CNTLN: variants seen among roughly 807,000 people sequenced by gnomAD.
CNTLN encodes the protein centlein, centrosomal protein.
A neutral mutation model predicts 180.0 loss-of-function variants in CNTLN; 212 were observed. The observed-to-expected ratio is 1.18, with a 90% CI of 1.05 to 1.32. CNTLN has a LOEUF of 1.32. Among genes scored for constraint, CNTLN ranks in the 40% most tolerant of loss-of-function variants. The pLI, the probability that CNTLN is intolerant of heterozygous loss-of-function variation, is 0.00. For missense variants in CNTLN, 2,095 were observed against 1,610.9 expected (o/e 1.30, Z -5.14); for synonymous variants, 722 against 563.1 (o/e 1.28, Z -3.99).
intron 18 of CNTLN, among the ~76,000 whole-genome samples, chr9:17,452,444 C>T (rs1407377178): frequency 6.6e-6 from 1 of 152,184 alleles, no homozygotes; most frequent in Non-Finnish European, 1.5e-5. Context: ...TCACATTTTA[C>T]AGAACAAATC....
intron 8 of CNTLN, among the ~76,000 whole-genome samples, chr9:17,312,362 TATTA>T (rs1473346562): frequency 2.2e-3 from 37 of 16,546 alleles, no homozygotes; most frequent in African/African-American, 4.5e-3. Context: ...TATATATATA[TATTA>T]TATATATATA....
chr9:17,415,708 TA>T, intron 16 of CNTLN, 79 bp from the exon 17 acceptor site: 1 of 921,546 alleles, frequency 1.1e-6, no homozygotes, highest in Non-Finnish European at 1.7e-6. Flanking sequence ...ATTTTTTAAG[TA>T]AAGAGATGTT....
the CNTLN span, among the ~76,000 whole-genome samples, chr9:17,513,529 G>A: frequency 1.3e-5 from 2 of 151,864 alleles, no homozygotes; most frequent in Non-Finnish European, 2.9e-5. Flanking sequence ...AACCCCTTCT[G>A]TACAAAAAAT....
At chr9:17,523,591 C>A in the CNTLN span, among the ~76,000 whole-genome samples, 1 of 152,126 alleles carries the variant, frequency 6.6e-6, no homozygotes, top group Non-Finnish European at 1.5e-5. Context: ...AGATATAATT[C>A]TACCTTGATT....
At chr9:17,335,961 T>C (rs1035076533) in intron 10 of CNTLN, among the ~76,000 whole-genome samples, 3 of 150,988 alleles carry the variant, frequency 2.0e-5, no homozygotes, top group African/African-American at 7.3e-5. Context: ...GAGCTTCTAG[T>C]TTAGCTAGTT....
rs1164411272 is a variant in CNTLN at position 17,200,180 on chromosome 9, C to G, written c.450-26023C>G. Reference sequence around the variant, plus strand: ...TGATGTTACTTCTGAGGCCTCCATTCTGTTCCATTGGTCTACATATATGTT... The same window carrying G: ...TGATGTTACTTCTGAGGCCTCCATTGTGTTCCATTGGTCTACATATATGTT... On this transcript the variant is annotated intron_variant, in intron 2 of 25. Coordinates refer to ENST00000380647, the MANE Select transcript of CNTLN (RefSeq NM_017738.4). Among the ~76,000 whole-genome samples, 3 of 152,164 alleles carry G rather than the reference C, an allele frequency of 2.0e-5. No individual in the cohort carries two copies. In the East Asian group the frequency reaches 5.8e-4, roughly 29 times the overall value.
At chr9:17,459,200 A>G (rs989788300) in intron 19 of CNTLN, among the ~76,000 whole-genome samples, 2 of 151,786 alleles carry the variant, frequency 1.3e-5, no homozygotes, top group African/African-American at 2.4e-5. Context: ...TTTTTAGTTG[A>G]TTTATATTTT....
intron 18 of CNTLN, among the ~76,000 whole-genome samples, chr9:17,452,236 A>G (rs1167832133): frequency 6.6e-6 from 1 of 151,538 alleles, no homozygotes; most frequent in East Asian, 1.9e-4. Context: ...GCCTTGTTTT[A>G]TTTTTTCTGG....
chr9:17,202,652 T>TTGTTTTTTTG (rs1298685901), intron 2 of CNTLN, among the ~76,000 whole-genome samples: 15 of 106,404 alleles, frequency 1.4e-4, no homozygotes, highest in African/African-American at 5.2e-4. Flanking sequence ...CTCTGTTTTT[T>TTGTTTTTTTG]TTTTTTTTTT....
intron 2 of CNTLN, among the ~76,000 whole-genome samples, chr9:17,155,448 T>A (rs1407762516): frequency 2.0e-5 from 3 of 152,194 alleles, no homozygotes; most frequent in African/African-American, 7.2e-5. Flanking sequence ...CTGCCTTTTT[T>A]ATAGAGATGC....
chr9:17,512,376 G>T, the CNTLN span, among the ~76,000 whole-genome samples: 1 of 152,176 alleles, frequency 6.6e-6, no homozygotes, highest in Non-Finnish European at 1.5e-5. Context: ...CAGCAACATG[G>T]ATGCAGTTGG....
intron 2 of CNTLN, among the ~76,000 whole-genome samples, chr9:17,197,714 T>C (rs187003454): frequency 1.3e-5 from 2 of 152,342 alleles, no homozygotes; most frequent in East Asian, 3.9e-4. Flanking sequence ...TTGCTTCCTT[T>C]GCTATGCAGA....
chr9:17,517,863 A>G, the CNTLN span, among the ~76,000 whole-genome samples: 5 of 152,046 alleles, frequency 3.3e-5, no homozygotes, highest in Non-Finnish European at 5.9e-5. Flanking sequence ...GGCTTTCAGC[A>G]TGATCAGTTA....
chr9:17,206,218 G>A (rs1218509571), intron 2 of CNTLN, among the ~76,000 whole-genome samples: 2 of 152,098 alleles, frequency 1.3e-5, no homozygotes, highest in Non-Finnish European at 2.9e-5. Context: ...ATCCAACCTG[G>A]ACTTTTTTTT....
chr9:17,493,527 T>C (rs1444731840), intron 25 of CNTLN, among the ~76,000 whole-genome samples: 1 of 152,164 alleles, frequency 6.6e-6, no homozygotes. Context: ...CAGAGAAGCA[T>C]TAAAATGACT....
At chr9:17,268,021 C>T (rs186202333) in intron 5 of CNTLN, among the ~76,000 whole-genome samples, 4 of 152,084 alleles carry the variant, frequency 2.6e-5, no homozygotes, top group East Asian at 1.9e-4. Flanking sequence ...CTGTTTGAAG[C>T]CTTCTTCTCT....
At chr9:17,337,640 T>G (rs1821144721) in intron 10 of CNTLN, among the ~76,000 whole-genome samples, 1 of 152,160 alleles carries the variant, frequency 6.6e-6, no homozygotes, top group South Asian at 2.1e-4. Context: ...TTCTTAGTCT[T>G]TGGTTTAATG....
At position 17,207,581 on chromosome 9, in the gene CNTLN, G is replaced by A. The variant is rs112217645; in HGVS notation, c.450-18622G>A. Among the ~76,000 whole-genome samples the A allele has an allele frequency of 1.7e-3, 262 of 152,172 alleles. 5 individuals carry two copies. Among genetic ancestry groups the A allele is most frequent in the African/African-American group, 6.1e-3 (253 of 41,528 alleles). On this transcript the variant is annotated intron_variant, in intron 2 of 25. Transcript: ENST00000380647. ...AGCACAGTCCCTTGTGGCTTCCCTT[G>A]GCTGGGGGAGGGAGGTCCCCCAGCT...
At chr9:17,476,006 C>A (rs570212639) in intron 23 of CNTLN, among the ~76,000 whole-genome samples, 4 of 152,064 alleles carry the variant, frequency 2.6e-5, no homozygotes, top group African/African-American at 9.6e-5. Flanking sequence ...GGCAGCTTTA[C>A]CTCAAGCAAA....
Sources: gnomAD v4.1 joint callset for allele counts (sites outside exome capture counted in the v4.1 genomes callset) on GRCh38, gnomAD v4.1.1 for gene constraint, MANE v1.5 for transcripts, NCBI Gene and HGNC (gene_info 2026-07-23, HGNC 2026-07-21) for gene names.